Variants in DPP10 observed in about 807,000 individuals in gnomAD.
The protein encoded by DPP10 is inactive dipeptidyl peptidase 10.
In DPP10, 33 loss-of-function variants were observed where a neutral mutation model predicts 120.9. That is an observed-to-expected ratio of 0.27 (90% CI 0.21 to 0.37). The LOEUF is 0.37. Ranked by LOEUF, DPP10 falls within the 10% of genes least tolerant of loss-of-function variation. DPP10 has a pLI of 1.00. For synonymous variants in DPP10, 337 were observed against 326.1 expected (o/e 1.03, Z -0.36); for missense variants, 816 against 942.8 (o/e 0.87, Z 1.76).
chr2:114,848,953 C>T (rs553365731), intron 1 of DPP10, among the ~76,000 whole-genome samples: 11 of 152,282 alleles, frequency 7.2e-5, no homozygotes, highest in African/African-American at 2.4e-4. Flanking sequence ...TGGTTCACAG[C>T]ACATTCTTAC....
chr2:115,647,041 A>G (rs2087324962), intron 5 of DPP10, among the ~76,000 whole-genome samples: 1 of 152,208 alleles, frequency 6.6e-6, no homozygotes, highest in Non-Finnish European at 1.5e-5. Context: ...GGATGAAACA[A>G]AAGTCATGTC....
At chr2:115,464,534 G>C (rs1053966196) in intron 3 of DPP10, among the ~76,000 whole-genome samples, 11 of 152,018 alleles carry the variant, frequency 7.2e-5, no homozygotes, top group Admixed American at 1.3e-4. Context: ...AGCATCTTGA[G>C]AGCTTCAAAC....
chr2:114,743,290 C>T (rs1678245246), intron 1 of DPP10, among the ~76,000 whole-genome samples: 2 of 152,002 alleles, frequency 1.3e-5, no homozygotes, highest in Admixed American at 6.6e-5. Flanking sequence ...TCCTGATTCC[C>T]CAACTGTCTT....
At chr2:114,906,081 A>G (rs1693934548) in intron 1 of DPP10, among the ~76,000 whole-genome samples, 1 of 152,112 alleles carries the variant, frequency 6.6e-6, no homozygotes, top group African/African-American at 2.4e-5. Context: ...AATGTTGAAT[A>G]GAAGTCGTGA....
intron 1 of DPP10, among the ~76,000 whole-genome samples, chr2:114,822,947 C>A (rs1238893458): frequency 6.6e-6 from 1 of 152,182 alleles, no homozygotes; most frequent in African/African-American, 2.4e-5. Context: ...CAACAAGACT[C>A]TAGGAAGTTT....
intron 3 of DPP10, among the ~76,000 whole-genome samples, chr2:115,377,229 T>G (rs1423805207): frequency 1.3e-5 from 2 of 151,392 alleles, no homozygotes; most frequent in Admixed American, 1.3e-4. Context: ...TCCTGACTTT[T>G]TAATGATTGC....
chr2:115,519,341 C>T (rs909984217), intron 4 of DPP10, among the ~76,000 whole-genome samples: 1 of 152,034 alleles, frequency 6.6e-6, no homozygotes, highest in East Asian at 1.9e-4. Flanking sequence ...ATAAAAATTA[C>T]GTAGTTGTAT....
chr2:114,560,388 G>C (rs997392739), intron 1 of DPP10, among the ~76,000 whole-genome samples: 2 of 152,164 alleles, frequency 1.3e-5, no homozygotes, highest in African/African-American at 4.8e-5. Context: ...CTGAGGACAG[G>C]TGTTTTATCT....
At chr2:115,778,516 T>A (rs77082243) in intron 15 of DPP10, among the ~76,000 whole-genome samples, 1,882 of 152,214 alleles carry the variant, frequency 0.012, 43 homozygotes, top group African/African-American at 0.041. Context: ...AAAATGACTT[T>A]TATTTTTGGC....
intron 3 of DPP10, among the ~76,000 whole-genome samples, chr2:115,381,382 C>T (rs932439548): frequency 2.6e-5 from 4 of 152,146 alleles, no homozygotes; most frequent in Non-Finnish European, 5.9e-5. Flanking sequence ...CGTAGTTCTC[C>T]AGCCTTGGTT....
intron 1 of DPP10, among the ~76,000 whole-genome samples, chr2:114,561,388 C>T (rs996064697): frequency 6.6e-6 from 1 of 152,144 alleles, no homozygotes; most frequent in African/African-American, 2.4e-5. Flanking sequence ...CATGCACACA[C>T]CACATACACA....
chr2:114,787,417 A>G (rs1418028471), intron 1 of DPP10, among the ~76,000 whole-genome samples: 1 of 152,212 alleles, frequency 6.6e-6, no homozygotes. Flanking sequence ...TTCCAAATGC[A>G]TTGGAAAGCC....
At chr2:115,252,641 GT>G (rs1036452366) in intron 1 of DPP10, among the ~76,000 whole-genome samples, 13 of 152,304 alleles carry the variant, frequency 8.5e-5, no homozygotes, top group African/African-American at 3.1e-4. Context: ...TGGGTTTGGT[GT>G]TCACTGGAGT....
At chr2:114,841,302 G>A (rs532575011) in intron 1 of DPP10, among the ~76,000 whole-genome samples, 1 of 152,222 alleles carries the variant, frequency 6.6e-6, no homozygotes, top group African/African-American at 2.4e-5. Context: ...TGTTTGGCAA[G>A]GTGAATCATT....
chr2:115,339,857 T>C (rs141309130), intron 2 of DPP10, among the ~76,000 whole-genome samples: 2 of 152,324 alleles, frequency 1.3e-5, no homozygotes, highest in African/African-American at 4.8e-5. Context: ...GTGATGGAAC[T>C]GTTCTTGACT....
chr2:115,449,200 T>G (rs1341768739), intron 3 of DPP10, among the ~76,000 whole-genome samples: 2 of 152,164 alleles, frequency 1.3e-5, no homozygotes, highest in Non-Finnish European at 2.9e-5. Flanking sequence ...AAATATATTT[T>G]CTAAATAAGT....
chr2:115,545,272 CTCAT>C (rs2079428357), intron 5 of DPP10, among the ~76,000 whole-genome samples: 1 of 152,096 alleles, frequency 6.6e-6, no homozygotes, highest in Admixed American at 6.6e-5. Context: ...CACATATCTA[CTCAT>C]TCATTTTTAA....
At chr2:114,984,923 C>T (rs1482041230) in intron 1 of DPP10, among the ~76,000 whole-genome samples, 1 of 152,102 alleles carries the variant, frequency 6.6e-6, no homozygotes, top group East Asian at 1.9e-4. Context: ...TTTACACTTG[C>T]CCTCTCCTAG....
intron 5 of DPP10, among the ~76,000 whole-genome samples, chr2:115,605,707 C>T (rs1011070977): frequency 1.3e-5 from 2 of 152,014 alleles, no homozygotes; most frequent in African/African-American, 4.8e-5. Context: ...AATTTACTCT[C>T]TCTCTCTCTT....
Sources: gnomAD v4.1 joint callset for allele counts (sites outside exome capture counted in the v4.1 genomes callset) on GRCh38, gnomAD v4.1.1 for gene constraint, MANE v1.5 for transcripts, NCBI Gene and HGNC (gene_info 2026-07-23, HGNC 2026-07-21) for gene names.